TMEM131L: variants seen among roughly 807,000 people sequenced by gnomAD.
TMEM131L encodes the protein transmembrane protein 131-like.
Under a neutral mutation model 192.2 loss-of-function variants are expected in TMEM131L, and 54 were observed. The ratio of observed to expected loss-of-function variants is 0.28; its 90% confidence interval spans 0.23 to 0.35. The LOEUF (loss-of-function observed/expected upper bound fraction) is 0.35, where lower values mean the gene tolerates loss of function less well. Among genes scored for constraint, TMEM131L ranks in the 10% least tolerant of loss-of-function variants. TMEM131L has a pLI of 1.00. For synonymous variants in TMEM131L, 701 were observed against 704.9 expected (o/e 0.99, Z 0.09); for missense variants, 1,888 against 1,972.9 (o/e 0.96, Z 0.82).
chr4:153,610,890 T>C (rs775459484), intron 25 of TMEM131L, among the ~76,000 whole-genome samples: 4 of 152,204 alleles, frequency 2.6e-5, no homozygotes, highest in Non-Finnish European at 5.9e-5. Context: ...TATGGTCATC[T>C]AGACGTCTCA....
intron 2 of TMEM131L, among the ~76,000 whole-genome samples, chr4:153,471,543 A>G (rs879774726): frequency 2.6e-5 from 4 of 152,168 alleles, no homozygotes; most frequent in South Asian, 2.1e-4. Context: ...ATTTCCTAGT[A>G]TTGTTTGACA....
intron 3 of TMEM131L, among the ~76,000 whole-genome samples, chr4:153,532,624 T>G (rs948910956): frequency 5.3e-5 from 8 of 152,108 alleles, no homozygotes; most frequent in African/African-American, 1.4e-4. Flanking sequence ...ATAAAGAAAA[T>G]GTAGTTTGTA....
At chr4:153,537,815 G>T (rs887160245) in intron 3 of TMEM131L, among the ~76,000 whole-genome samples, 3 of 152,206 alleles carry the variant, frequency 2.0e-5, no homozygotes, top group South Asian at 2.1e-4. Flanking sequence ...AGATGGAGTT[G>T]CTCTGGTTCA....
rs149752777 is a variant in TMEM131L, at chr4:153,520,654, G to A, written c.240-29419G>A. Among the ~76,000 whole-genome samples, 6 of 152,284 alleles carry A rather than the reference G, an allele frequency of 3.9e-5. No homozygotes were observed. In the East Asian group the frequency reaches 5.8e-4, roughly 15 times the overall value. ...AATTTGGGGGCAAAGTTTGAAAAGC[G>A]CTGATGAGAGATTAGCAAGGGCTAT... On this transcript the variant is annotated intron_variant, in intron 3 of 34. Transcript: ENST00000409959.
intron 3 of TMEM131L, among the ~76,000 whole-genome samples, chr4:153,546,938 A>G (rs192729995): frequency 1.9e-3 from 288 of 152,338 alleles, no homozygotes; most frequent in African/African-American, 6.3e-3. Context: ...AAAAAAACAA[A>G]CAAACAAATA....
chr4:153,487,021 G>T (rs1414902838), intron 3 of TMEM131L, among the ~76,000 whole-genome samples: 4 of 152,182 alleles, frequency 2.6e-5, no homozygotes, highest in African/African-American at 9.7e-5. Flanking sequence ...GAACTCGCTA[G>T]ACTGGCCGGT....
intron 3 of TMEM131L, among the ~76,000 whole-genome samples, chr4:153,546,213 G>GC (rs1187314203): frequency 2.7e-5 from 4 of 146,798 alleles, no homozygotes; most frequent in African/African-American, 1.0e-4. Flanking sequence ...TTAACTAGGA[G>GC]CTTTTTTTTT....
At chr4:153,560,361 G>A (rs1369841387) in intron 7 of TMEM131L, among the ~76,000 whole-genome samples, 1 of 152,194 alleles carries the variant, frequency 6.6e-6, no homozygotes, top group East Asian at 1.9e-4. Flanking sequence ...GTCTCTCCCT[G>A]CACTGTAGCC....
intron 3 of TMEM131L, among the ~76,000 whole-genome samples, chr4:153,530,656 C>T (rs934691344): frequency 6.6e-6 from 1 of 152,134 alleles, no homozygotes; most frequent in African/African-American, 2.4e-5. Context: ...GCAAGTTCGA[C>T]CTCTGGAGCA....
At chr4:153,633,039 A>G (rs1407948212) in intron 32 of TMEM131L, among the ~76,000 whole-genome samples, 1 of 152,162 alleles carries the variant, frequency 6.6e-6, no homozygotes, top group African/African-American at 2.4e-5. Context: ...AATAAAAGAA[A>G]GAAAGCTGGT....
rs754482821 is a variant in TMEM131L, at chr4:153,583,721, C to T, written c.1060+49C>T. 5 of 1,062,468 alleles carry T rather than the reference C, an allele frequency of 4.7e-6. No homozygotes were observed. In the South Asian group the frequency reaches 6.8e-5, roughly 14 times the overall value. 65.8% of individuals were successfully genotyped at this position (1,062,468 alleles called of 1,614,324 possible). A position where few individuals can be genotyped will look rare whatever the true frequency, so the allele number is the denominator to read the frequency against. On this transcript the variant is annotated intron_variant, in intron 11 of 34. Transcript: ENST00000409959. ...CATTTGACTTTTGTTATCTGGTTGT[C>T]ATGATGGCAACTCTTTCTACAACTA...
In TMEM131L at chr4:153,546,215, T is replaced by C. The variant is rs1414088342; in HGVS notation, c.240-3858T>C. Among the ~76,000 whole-genome samples, 4 of 114,910 alleles carry C rather than the reference T, an allele frequency of 3.5e-5. No individual in the cohort carries two copies. In the South Asian group the frequency reaches 8.0e-4, roughly 23 times the overall value. 75.4% of individuals were successfully genotyped at this position (114,910 alleles called of 152,430 possible). On this transcript the variant is annotated intron_variant, in intron 3 of 34. Transcript: ENST00000409959. ...CCATTTTTCTCTTTTAACTAGGAGCTTTTTTTTTTTTTTTACAATTATCTT... is the reference window on the plus strand; with the variant it reads ...CCATTTTTCTCTTTTAACTAGGAGCCTTTTTTTTTTTTTTACAATTATCTT...
At chr4:153,478,319 T>G (rs1731694283) in intron 3 of TMEM131L, among the ~76,000 whole-genome samples, 1 of 152,242 alleles carries the variant, frequency 6.6e-6, no homozygotes, top group Non-Finnish European at 1.5e-5. Context: ...CCTACGTACT[T>G]ACTATTCATT....
intron 3 of TMEM131L, among the ~76,000 whole-genome samples, chr4:153,531,295 A>G (rs1281735947): frequency 6.6e-6 from 1 of 152,232 alleles, no homozygotes; most frequent in Non-Finnish European, 1.5e-5. Context: ...AGATGGCCAC[A>G]TTGGCTATTA....
At chr4:153,466,572 C>T in intron 1 of TMEM131L, 51 bp downstream of exon 1, 1 of 1,270,410 alleles carries the variant, frequency 7.9e-7, no homozygotes, top group Non-Finnish European at 1.0e-6. Context: ...CGCCCCCGCT[C>T]TTTCTTTTAG....
Position 153,596,399 on chromosome 4 carries a change from T to G in TMEM131L, c.2123+14T>G. Reference sequence around the variant, plus strand: ...CATACTAATCCGGTAGGTGTGTTCCTGTTGTAGAATCTGTTTCTTTCTCAA... The same window carrying G: ...CATACTAATCCGGTAGGTGTGTTCCGGTTGTAGAATCTGTTTCTTTCTCAA... On this transcript the variant is annotated intron_variant, in intron 20 of 34. Coordinates refer to ENST00000409959, the MANE Select transcript of TMEM131L (RefSeq NM_001131007.2). The G allele has an allele frequency of 6.2e-7, 1 of 1,612,592 alleles. No homozygotes were observed. Among genetic ancestry groups the G allele is most frequent in the Non-Finnish European group, 8.5e-7 (1 of 1,178,894 alleles).
chr4:153,577,907 T>C (rs966741213), intron 7 of TMEM131L, among the ~76,000 whole-genome samples: 6 of 151,982 alleles, frequency 3.9e-5, no homozygotes, highest in African/African-American at 9.7e-5. Context: ...GTTGGACATA[T>C]AGGTATGGAG....
intron 7 of TMEM131L, among the ~76,000 whole-genome samples, chr4:153,566,948 G>A (rs907855959): frequency 1.3e-5 from 2 of 152,254 alleles, no homozygotes; most frequent in African/African-American, 4.8e-5. Flanking sequence ...CCGCCTGCCA[G>A]GGACAGGTGC....
Position 153,602,669 on chromosome 4 carries a change from G to A in TMEM131L, c.2581G>A (p.Val861Met), listed in dbSNP as rs1731926493. 16 of 1,613,992 alleles carry A rather than the reference G, an allele frequency of 9.9e-6. No individual in the cohort carries two copies. Among genetic ancestry groups the A allele is most frequent in the Admixed American group, 1.7e-5 (1 of 60,000 alleles). Residue 861 changes from valine to methionine, a missense_variant, in exon 23 of 35, where the codon GTG (valine) becomes ATG (methionine). Val to Met is a conservative substitution (Grantham distance 21, BLOSUM62 1). Transcript: ENST00000409959. The stretch of plus-strand genomic sequence containing the variant: ...TCACCTGTTGCCCTTGTGTGCAGAC[G>A]TGGTTCCAGGACCCAGCTGGGAGGA... ...PHHLLPLCAD[V>M]VPGPSWEESF...
Sources: allele counts gnomAD v4.1 joint callset (sites outside exome capture counted in the v4.1 genomes callset), GRCh38; gene constraint gnomAD v4.1.1; transcripts MANE v1.5; gene names NCBI Gene and HGNC (gene_info 2026-07-23, HGNC 2026-07-21).